EXOC4: variants seen among roughly 807,000 people sequenced by gnomAD.
EXOC4 encodes the protein SEC8-like 1.
Under a neutral mutation model 107.2 loss-of-function variants are expected in EXOC4, and 71 were observed. The observed-to-expected ratio is 0.66, with a 90% CI of 0.55 to 0.81. The LOEUF is 0.81. Ranked by LOEUF, EXOC4 falls within the 30% of genes least tolerant of loss-of-function variation. The pLI, the probability that EXOC4 is intolerant of heterozygous loss-of-function variation, is 0.00. For synonymous variants in EXOC4, 456 were observed against 441.2 expected (o/e 1.03, Z -0.42); for missense variants, 1,108 against 1,189.6 (o/e 0.93, Z 1.01).
chr7:133,483,893 T>A (rs1799213082), intron 9 of EXOC4: 1 of 800,164 alleles, frequency 1.2e-6, no homozygotes, highest in Non-Finnish European at 2.1e-6. Context: ...GCATTTCAGC[T>A]TGTCCCTGAA....
intron 17 of EXOC4, among the ~76,000 whole-genome samples, chr7:134,015,420 G>T (rs1794880777): frequency 1.3e-5 from 2 of 152,196 alleles, no homozygotes; most frequent in Non-Finnish European, 2.9e-5. Context: ...GGGTGTTAAA[G>T]TTATTTGGAC....
chr7:133,474,607 C>T (rs980063920), intron 7 of EXOC4, among the ~76,000 whole-genome samples: 3 of 152,062 alleles, frequency 2.0e-5, no homozygotes, highest in African/African-American at 7.2e-5. Context: ...GCCACTGTGC[C>T]TAGCTAGTAG....
At chr7:133,713,809 C>G (rs1191393238) in intron 10 of EXOC4, among the ~76,000 whole-genome samples, 1 of 152,156 alleles carries the variant, frequency 6.6e-6, no homozygotes, top group African/African-American at 2.4e-5. Context: ...TCCCCTTCAC[C>G]TTCTGCCGTG....
At chr7:133,892,820 T>A (rs1308537800) in intron 11 of EXOC4, among the ~76,000 whole-genome samples, 3 of 145,542 alleles carry the variant, frequency 2.1e-5, no homozygotes, top group Admixed American at 6.7e-5. Context: ...TTCTTTTACA[T>A]TTGCTGAGGA....
intron 11 of EXOC4, among the ~76,000 whole-genome samples, chr7:133,878,113 T>C (rs981621426): frequency 2.0e-5 from 3 of 152,258 alleles, no homozygotes; most frequent in African/African-American, 4.8e-5. Context: ...AGCAAGAGCA[T>C]TTTCTTCATT....
At chr7:133,268,477 T>C (rs892605945) in intron 1 of EXOC4, among the ~76,000 whole-genome samples, 11 of 152,230 alleles carry the variant, frequency 7.2e-5, no homozygotes, top group Non-Finnish European at 1.6e-4. Context: ...CTTTTGTCTT[T>C]AAGAACAATA....
chr7:133,639,304 G>C (rs1361229579), intron 10 of EXOC4, among the ~76,000 whole-genome samples: 1 of 152,070 alleles, frequency 6.6e-6, no homozygotes, highest in Non-Finnish European at 1.5e-5. Context: ...TTCTGTTTCT[G>C]TTTTGCATTC....
At chr7:134,069,494 CCTTTCTT>C (rs1326742711), downstream of EXOC4, among the ~76,000 whole-genome samples, 1 of 151,622 alleles carries the variant, frequency 6.6e-6, no homozygotes, top group African/African-American at 2.4e-5. Flanking sequence ...TCCTTCTTCT[CCTTTCTT>C]CTTTCTTCTT....
chr7:133,356,545 G>A lies in EXOC4; in HGVS notation c.979G>A (p.Glu327Lys). Reference sequence around the variant, plus strand: ...GGCAGACAGTGGCTATCAGCGGGGGGAGAACGTTACTGTGGAGAACCAACC... The same window carrying A: ...GGCAGACAGTGGCTATCAGCGGGGGAAGAACGTTACTGTGGAGAACCAACC... ...QVADSGYQRG[E>K]NVTVENQPRL... Residue 327 changes from glutamate (E) to lysine (K), a missense_variant, in exon 6 of 18, where the codon GAG becomes AAG. Coordinates refer to ENST00000253861, the MANE Select transcript of EXOC4 (RefSeq NM_021807.4). The A allele has an allele frequency of 1.9e-6, 3 of 1,614,040 alleles. No homozygotes were observed. Among genetic ancestry groups the A allele is most frequent in the Non-Finnish European group, 2.5e-6 (3 of 1,179,942 alleles).
chr7:133,394,247 C>G (rs1037227267), intron 7 of EXOC4, among the ~76,000 whole-genome samples: 5 of 152,266 alleles, frequency 3.3e-5, no homozygotes, highest in Middle Eastern at 6.8e-3. Context: ...TGAAATTAAA[C>G]TATACAAACT....
intron 10 of EXOC4, among the ~76,000 whole-genome samples, chr7:133,737,327 C>T (rs940013506): frequency 1.3e-5 from 2 of 152,108 alleles, no homozygotes; most frequent in African/African-American, 4.8e-5. Flanking sequence ...AATCCATCTC[C>T]ATCACTCTTC....
chr7:133,395,325 G>T (rs1796947116), intron 7 of EXOC4, among the ~76,000 whole-genome samples: 1 of 152,110 alleles, frequency 6.6e-6, no homozygotes. Flanking sequence ...TGTTCATCTT[G>T]TAGGATCACT....
At chr7:133,399,863 A>C (rs1563051286) in intron 7 of EXOC4, among the ~76,000 whole-genome samples, 1 of 152,200 alleles carries the variant, frequency 6.6e-6, no homozygotes, top group African/African-American at 2.4e-5. Context: ...ACATGTTTTG[A>C]TGCAGGGAGA....
intron 1 of EXOC4, among the ~76,000 whole-genome samples, chr7:133,265,677 C>G (rs1793712297): frequency 6.6e-6 from 1 of 152,086 alleles, no homozygotes; most frequent in East Asian, 1.9e-4. Context: ...GAAGGGATTT[C>G]CATTCATTGT....
At chr7:133,273,313 T>A (rs1793917510) in intron 1 of EXOC4, among the ~76,000 whole-genome samples, 2 of 152,222 alleles carry the variant, frequency 1.3e-5, no homozygotes, top group South Asian at 2.1e-4. Context: ...CCACTCTGAT[T>A]TACTTTAATA....
chr7:133,675,986 C>T (rs901960283), intron 10 of EXOC4, among the ~76,000 whole-genome samples: 1 of 152,058 alleles, frequency 6.6e-6, no homozygotes, highest in Non-Finnish European at 1.5e-5. Flanking sequence ...AAGGATGTCT[C>T]ATCTCTATGT....
chr7:133,608,082 C>T (rs543419257), intron 9 of EXOC4, among the ~76,000 whole-genome samples: 1 of 152,188 alleles, frequency 6.6e-6, no homozygotes, highest in South Asian at 2.1e-4. Flanking sequence ...CAAAGTTGTT[C>T]AGAATTTCAT....
At position 133,652,095 on chromosome 7, in the gene EXOC4, G is replaced by A. The variant is rs573649933; in HGVS notation, c.1514+21954G>A. On this transcript the variant is annotated intron_variant, in intron 10 of 17. Coordinates refer to ENST00000253861, the MANE Select transcript of EXOC4 (RefSeq NM_021807.4). The stretch of plus-strand genomic sequence containing the variant: ...TTCCAAGTAATTCGGCTGTGATGTC[G>A]ATGGTTTATAACTGCCTTTCTCCCC... Among the ~76,000 whole-genome samples, 64 of 152,278 alleles carry A rather than the reference G, an allele frequency of 4.2e-4. No homozygotes were observed. The South Asian group carries it at 0.012, about 28-fold the overall frequency.
intron 10 of EXOC4, among the ~76,000 whole-genome samples, chr7:133,707,475 A>G (rs989763851): frequency 1.3e-5 from 2 of 152,132 alleles, no homozygotes; most frequent in African/African-American, 4.8e-5. Flanking sequence ...GTCATTGTTA[A>G]AGAGAAACAA....
Sources: allele counts gnomAD v4.1 joint callset (sites outside exome capture counted in the v4.1 genomes callset), GRCh38; gene constraint gnomAD v4.1.1; transcripts MANE v1.5; gene names NCBI Gene and HGNC (gene_info 2026-07-23, HGNC 2026-07-21).